The following MYO16 variants were observed in gnomAD, a reference collection of about 807,000 sequenced individuals.
MYO16 encodes myosin XVI.
Under a neutral mutation model 205.3 loss-of-function variants are expected in MYO16, and 94 were observed. That is an observed-to-expected ratio of 0.46 (90% CI 0.39 to 0.54). The LOEUF (loss-of-function observed/expected upper bound fraction) is 0.54. MYO16 is among the 20% of genes least tolerant of loss of function. The pLI is 0.00. For synonymous variants in MYO16, 988 were observed against 954.0 expected (o/e 1.04, Z -0.66); for missense variants, 2,315 against 2,387.5 (o/e 0.97, Z 0.63).
intron 9 of MYO16, among the ~76,000 whole-genome samples, chr13:108,837,345 T>C (rs78483264): frequency 0.021 from 3,158 of 152,258 alleles, 101 homozygotes; most frequent in African/African-American, 0.072. Context: ...CCTTTATAAA[T>C]ACTCAGTCTC....
At chr13:108,636,094 T>C (rs1414575115) in intron 1 of MYO16, among the ~76,000 whole-genome samples, 1 of 152,062 alleles carries the variant, frequency 6.6e-6, no homozygotes, top group Admixed American at 6.5e-5. Context: ...GAATTGAAAT[T>C]TGCTTTTGTC....
intron 7 of MYO16, among the ~76,000 whole-genome samples, chr13:108,818,860 T>G (rs74119771): frequency 0.015 from 2,337 of 152,132 alleles, 54 homozygotes; most frequent in African/African-American, 0.053. Flanking sequence ...CAAAAAGAAA[T>G]CCAGGAGAAG....
intron 25 of MYO16, among the ~76,000 whole-genome samples, 186 bp from the exon 26 acceptor site, chr13:109,054,860 T>C (rs771901735): frequency 6.6e-6 from 1 of 151,974 alleles, no homozygotes; most frequent in Non-Finnish European, 1.5e-5. Context: ...TTGCTCACTT[T>C]TTCTTTTTCT....
chr13:109,056,868 A>T (rs111496867), intron 27 of MYO16, among the ~76,000 whole-genome samples: 179 of 152,286 alleles, frequency 1.2e-3, no homozygotes, highest in African/African-American at 3.8e-3. Context: ...AATAATACTG[A>T]TGTAAACTAA....
At chr13:109,180,044 G>T (rs1879391348) in intron 34 of MYO16, among the ~76,000 whole-genome samples, 1 of 152,066 alleles carries the variant, frequency 6.6e-6, no homozygotes, top group Non-Finnish European at 1.5e-5. Context: ...TGGTTTCATG[G>T]CATGCATCTT....
At chr13:108,526,840 C>T in the MYO16 span, among the ~76,000 whole-genome samples, 1 of 152,144 alleles carries the variant, frequency 6.6e-6, no homozygotes, top group African/African-American at 2.4e-5. Flanking sequence ...ATATTTCTCT[C>T]TAGTCTATTA....
chr13:109,023,994 GTATA>G (rs1323574217), intron 23 of MYO16, among the ~76,000 whole-genome samples: 1 of 104,350 alleles, frequency 9.6e-6, no homozygotes, highest in East Asian at 4.1e-4. Flanking sequence ...ATTTCTATAT[GTATA>G]TATAGAAATA....
chr13:108,694,855 A>G (rs993935976), intron 2 of MYO16, among the ~76,000 whole-genome samples: 4 of 152,150 alleles, frequency 2.6e-5, no homozygotes, highest in African/African-American at 9.7e-5. Flanking sequence ...GCTTACACCT[A>G]TAATCCCAGC....
intron 1 of MYO16, among the ~76,000 whole-genome samples, chr13:108,639,817 A>G (rs562220597): frequency 6.6e-6 from 1 of 152,216 alleles, no homozygotes; most frequent in South Asian, 2.1e-4. Context: ...AGAAAACTGG[A>G]TGAATTTGAA....
At chr13:108,528,825 A>G in the MYO16 span, among the ~76,000 whole-genome samples, 2 of 146,174 alleles carry the variant, frequency 1.4e-5, no homozygotes, top group Admixed American at 7.0e-5. Flanking sequence ...TGAAGTTTTC[A>G]GCTTTTGACG....
At chr13:108,839,877 T>A (rs547793296) in intron 9 of MYO16, among the ~76,000 whole-genome samples, 1 of 152,342 alleles carries the variant, frequency 6.6e-6, no homozygotes, top group East Asian at 1.9e-4. Flanking sequence ...ACAAGCTAAC[T>A]TATTAGATTG....
At chr13:108,769,780 T>A (rs907176281) in intron 4 of MYO16, among the ~76,000 whole-genome samples, 4 of 152,070 alleles carry the variant, frequency 2.6e-5, no homozygotes, top group Admixed American at 6.6e-5. Flanking sequence ...GAGAGAGAAA[T>A]CAAGAATTTC....
intron 1 of MYO16, among the ~76,000 whole-genome samples, chr13:108,662,249 G>A (rs1346752653): frequency 6.6e-6 from 1 of 152,218 alleles, no homozygotes; most frequent in East Asian, 1.9e-4. Context: ...TTCTATTTTT[G>A]TGCTGGTTGG....
At chr13:108,713,652 G>GA (rs1248856018) in intron 3 of MYO16, among the ~76,000 whole-genome samples, 3 of 152,168 alleles carry the variant, frequency 2.0e-5, no homozygotes, top group Non-Finnish European at 4.4e-5. Flanking sequence ...CAACATTGGG[G>GA]AAAAACTGCA....
At chr13:109,078,304 T>TACTA (rs1404362147) in intron 27 of MYO16, among the ~76,000 whole-genome samples, 1 of 150,178 alleles carries the variant, frequency 6.7e-6, no homozygotes, top group African/African-American at 2.4e-5. Context: ...CTAGGCATGG[T>TACTA]GGCGCACACC....
At chr13:108,602,576 G>GA (rs138157643) in intron 1 of MYO16, among the ~76,000 whole-genome samples, 4 of 152,032 alleles carry the variant, frequency 2.6e-5, no homozygotes, top group African/African-American at 4.8e-5. Flanking sequence ...CAAATATGGG[G>GA]AAAAAAATCA....
the MYO16 span, among the ~76,000 whole-genome samples, chr13:108,509,372 GA>G: frequency 5.6e-4 from 85 of 151,996 alleles, 1 homozygote; most frequent in Non-Finnish European, 1.1e-3. Flanking sequence ...TAATTCAAAA[GA>G]AAAAAATGAA....
chr13:108,775,751 T>C (rs1886103953), intron 4 of MYO16, among the ~76,000 whole-genome samples: 1 of 152,156 alleles, frequency 6.6e-6, no homozygotes, highest in Admixed American at 6.5e-5. Flanking sequence ...CAGCTGTGGG[T>C]CTTCTGAGCG....
chr13:108,627,867 G>A (rs577040694), upstream of MYO16, among the ~76,000 whole-genome samples: 7 of 152,214 alleles, frequency 4.6e-5, no homozygotes, highest in Non-Finnish European at 1.0e-4. Flanking sequence ...AGAAAATTAA[G>A]ACATTCAGAC....
Sources: allele counts gnomAD v4.1 joint callset (sites outside exome capture counted in the v4.1 genomes callset), GRCh38; gene constraint gnomAD v4.1.1; transcripts MANE v1.5; gene names NCBI Gene and HGNC (gene_info 2026-07-23, HGNC 2026-07-21).